Variants in SYNDIG1L observed in about 807,000 individuals in gnomAD.
The protein encoded by SYNDIG1L is synapse differentiation inducing 1 like, also known as synapse differentiation-inducing gene protein 1-like.
SYNDIG1L carries 13 observed loss-of-function variants against 20.1 expected under a neutral mutation model. The ratio of observed to expected loss-of-function variants is 0.65; its 90% CI spans 0.42 to 1.03. The LOEUF is 1.03. Among genes scored for constraint, SYNDIG1L ranks in the 50% least tolerant of loss-of-function variants. The pLI is 0.00. For synonymous variants in SYNDIG1L, 128 were observed against 129.3 expected (o/e 0.99, Z 0.07); for missense variants, 294 against 305.1 (o/e 0.96, Z 0.27).
intron 1 of SYNDIG1L, among the ~76,000 whole-genome samples, chr14:74,418,766 A>T (rs190374664): frequency 3.9e-5 from 6 of 152,290 alleles, no homozygotes; most frequent in Admixed American, 3.3e-4. Flanking sequence ...GTGTGTATAG[A>T]TGCTCTCATC....
At chr14:74,449,651 AAAAG>A in the SYNDIG1L span, among the ~76,000 whole-genome samples, 1 of 151,460 alleles carries the variant, frequency 6.6e-6, no homozygotes, top group Non-Finnish European at 1.5e-5. Context: ...AAAGAAAAAG[AAAAG>A]AAAGAAAGCA....
the SYNDIG1L span, among the ~76,000 whole-genome samples, chr14:74,441,422 G>A: frequency 2.0e-5 from 3 of 152,200 alleles, no homozygotes; most frequent in South Asian, 6.2e-4. Context: ...TTTGGGGCTA[G>A]GAGTTCTAAC....
rs765069533 is a variant in SYNDIG1L, at chr14:74,409,775, C to G, written c.-31G>C. ...TGGGGCAGCTGCTGGGGAGGGGGGCCTGGGCCAGCTGAGCAGTCCTCAGAG... is the reference window on the plus strand; with the variant it reads ...TGGGGCAGCTGCTGGGGAGGGGGGCGTGGGCCAGCTGAGCAGTCCTCAGAG... On this transcript the variant is annotated 5_prime_UTR_variant, in exon 2 of 4. Transcript: ENST00000331628. 4 of 1,412,066 alleles carry G rather than the reference C, an allele frequency of 2.8e-6. No homozygotes were observed. The East Asian group carries it at 1.0e-4, about 36-fold the overall frequency. 87.5% of individuals were successfully genotyped at this position (1,412,066 alleles called of 1,614,324 possible).
the SYNDIG1L span, among the ~76,000 whole-genome samples, chr14:74,459,005 A>G: frequency 6.6e-5 from 10 of 152,086 alleles, no homozygotes; most frequent in African/African-American, 2.4e-4. Context: ...CAGGACCCGC[A>G]CAGCATCTTG....
upstream of SYNDIG1L, among the ~76,000 whole-genome samples, chr14:74,426,317 AG>A (rs113024116): frequency 7.2e-5 from 11 of 151,988 alleles, no homozygotes; most frequent in Admixed American, 2.6e-4. Context: ...TCAGCCCACC[AG>A]GCACTCCGGA....
the SYNDIG1L span, among the ~76,000 whole-genome samples, chr14:74,433,812 C>T: frequency 6.6e-6 from 1 of 152,180 alleles, no homozygotes; most frequent in Non-Finnish European, 1.5e-5. Flanking sequence ...CAGATTCCAA[C>T]CCAGGCAGCC....
intron 1 of SYNDIG1L, among the ~76,000 whole-genome samples, chr14:74,421,929 G>A (rs925094405): frequency 2.0e-5 from 3 of 152,166 alleles, no homozygotes; most frequent in Non-Finnish European, 4.4e-5. Context: ...GCTCCCATGG[G>A]CCAGACTGGC....
the SYNDIG1L span, among the ~76,000 whole-genome samples, chr14:74,467,363 G>A: frequency 4.6e-5 from 7 of 152,074 alleles, no homozygotes; most frequent in African/African-American, 1.4e-4. Flanking sequence ...GTCCTAAAAC[G>A]AGGGCTGAGA....
the SYNDIG1L span, among the ~76,000 whole-genome samples, chr14:74,459,149 G>C: frequency 6.6e-6 from 1 of 152,102 alleles, no homozygotes; most frequent in Non-Finnish European, 1.5e-5. Context: ...GAGAGGGCAC[G>C]GTAGGGAAAG....
chr14:74,453,429 A>G, the SYNDIG1L span, among the ~76,000 whole-genome samples: 1 of 146,390 alleles, frequency 6.8e-6, no homozygotes, highest in Non-Finnish European at 1.5e-5. Context: ...CAGGGAGAGG[A>G]GGAGTAAAGC....
At chr14:74,461,154 G>A in the SYNDIG1L span, among the ~76,000 whole-genome samples, 6 of 151,706 alleles carry the variant, frequency 4.0e-5, no homozygotes, top group Non-Finnish European at 5.9e-5. Context: ...CTCCATGTTG[G>A]CCAGGCTGGT....
the SYNDIG1L span, chr14:74,474,280 C>T: frequency 6.6e-6 from 1 of 152,288 alleles, no homozygotes; most frequent in Non-Finnish European, 1.5e-5. Context: ...TACTCCCTAC[C>T]CCAGAAATTT....
the SYNDIG1L span, among the ~76,000 whole-genome samples, chr14:74,434,499 G>A: frequency 6.6e-6 from 1 of 152,100 alleles, no homozygotes; most frequent in Non-Finnish European, 1.5e-5. Flanking sequence ...AGGATGCAGG[G>A]AGTGGGAAAC....
At chr14:74,412,438 T>G (rs2086139054) in intron 1 of SYNDIG1L, among the ~76,000 whole-genome samples, 1 of 152,214 alleles carries the variant, frequency 6.6e-6, no homozygotes, top group South Asian at 2.1e-4. Flanking sequence ...CATTAGCTTT[T>G]TGATGTGGCC....
At chr14:74,415,203 A>G (rs1254511503) in intron 1 of SYNDIG1L, among the ~76,000 whole-genome samples, 1 of 152,166 alleles carries the variant, frequency 6.6e-6, no homozygotes. Context: ...CAGCACTGAA[A>G]CCAGGCTTTG....
At chr14:74,465,407 C>A in the SYNDIG1L span, among the ~76,000 whole-genome samples, 1 of 152,218 alleles carries the variant, frequency 6.6e-6, no homozygotes, top group Non-Finnish European at 1.5e-5. Flanking sequence ...TCCCTCTTTT[C>A]TTCCAATGGC....
chr14:74,418,120 T>C (rs2086191766), intron 1 of SYNDIG1L, among the ~76,000 whole-genome samples: 2 of 152,232 alleles, frequency 1.3e-5, no homozygotes, highest in East Asian at 1.9e-4. Context: ...AATCAGATCA[T>C]GTATAAACTG....
At chr14:74,436,628 C>A in the SYNDIG1L span, among the ~76,000 whole-genome samples, 2 of 151,714 alleles carry the variant, frequency 1.3e-5, no homozygotes, top group African/African-American at 4.8e-5. Flanking sequence ...GCGGGCGGAT[C>A]TTCTGAAGTT....
At chr14:74,475,999 T>C in the SYNDIG1L span, among the ~76,000 whole-genome samples, 3 of 152,254 alleles carry the variant, frequency 2.0e-5, no homozygotes, top group Non-Finnish European at 4.4e-5. Context: ...GCTTCTGGGA[T>C]GTTTTCTCTT....
Sources: gnomAD v4.1 joint callset for allele counts (sites outside exome capture counted in the v4.1 genomes callset) on GRCh38, gnomAD v4.1.1 for gene constraint, MANE v1.5 for transcripts, NCBI Gene and HGNC (gene_info 2026-07-23, HGNC 2026-07-21) for gene names.